The following SNX31 variants were observed in gnomAD, a reference collection of about 807,000 sequenced individuals.
The protein encoded by SNX31 is sorting nexin 31.
SNX31 carries 58 observed loss-of-function variants against 65.4 expected under a neutral mutation model. The ratio of observed to expected loss-of-function variants is 0.89; its 90% confidence interval spans 0.72 to 1.10. The LOEUF (loss-of-function observed/expected upper bound fraction) is 1.10, where lower values mean the gene tolerates loss of function less well. SNX31 is among the 50% of genes least tolerant of loss of function. The pLI is 0.00. For synonymous variants in SNX31, 181 were observed against 190.1 expected (o/e 0.95, Z 0.39); for missense variants, 523 against 529.7 (o/e 0.99, Z 0.12).
intron 1 of SNX31, among the ~76,000 whole-genome samples, chr8:100,662,287 C>T (rs1156735188): frequency 2.0e-5 from 3 of 152,208 alleles, no homozygotes; most frequent in Non-Finnish European, 2.9e-5. Context: ...GATTCTAAAG[C>T]CGGTATTCTC....
At chr8:100,627,637 G>A (rs1220003206) in intron 4 of SNX31, among the ~76,000 whole-genome samples, 1 of 152,094 alleles carries the variant, frequency 6.6e-6, no homozygotes, top group Non-Finnish European at 1.5e-5. Flanking sequence ...CACCTCCTGG[G>A]TTCAAGCAAT....
rs1816832647 is a variant in SNX31 at position 100,612,823 on chromosome 8, C to G, written c.523+172G>C. 6.6e-6 allele frequency among the ~76,000 whole-genome samples: 1 copy of G among 152,108 alleles called. No individual in the cohort carries two copies. The highest frequency in any genetic ancestry group is 2.4e-5 in the African/African-American group (1 of 41,406). On this transcript the variant is annotated intron_variant, in intron 6 of 13. Transcript: ENST00000311812. The surrounding 1 kb of genome is among the most constrained non-coding windows in gnomAD (Gnocchi z 4.3). ...TATGAGCGGTTTGCCCCCACTCTCC[C>G]CTAACAAGGACGCAACCTCCTATTC...
Position 100,573,900 on chromosome 8 carries a change from A to C in SNX31, c.1288T>G (p.Cys430Gly), listed in dbSNP as rs771196432. The C allele has an allele frequency of 1.2e-5, 19 of 1,586,016 alleles. No homozygotes were observed. Among genetic ancestry groups the C allele is most frequent in the Non-Finnish European group, 8.6e-7 (1 of 1,168,152 alleles). Residue 430 changes from cysteine (C) to glycine (G), a missense_variant, in exon 14 of 14, where the codon TGC becomes GGC. Physicochemically the swap from Cys to Gly is radical, Grantham distance 159. Coordinates refer to ENST00000311812, the MANE Select transcript of SNX31 (RefSeq NM_152628.4). ...KSKIKIAKDD[C>G]VFGNIKEEDL ...TCTTCCTTTATGTTCCCAAAAACGC[A>C]GTCATCTTTAGCTATCTTAATCTTG...
chr8:100,577,937 C>T (rs897939763), intron 12 of SNX31, among the ~76,000 whole-genome samples: 1 of 152,192 alleles, frequency 6.6e-6, no homozygotes, highest in African/African-American at 2.4e-5. Flanking sequence ...AATCTTTTGG[C>T]TTTCCTGGAC....
chr8:100,622,496 C>G lies in SNX31; in HGVS notation c.322-4766G>C, dbSNP rs1817764190. On this transcript the variant is annotated intron_variant, in intron 4 of 13. Transcript: ENST00000311812. This position sits in a 1 kb window ranked among gnomAD's most constrained non-coding sequence, Gnocchi z 5.0. ...GTGAAACACTGTCTCTACTAAAATA[C>G]AGAAATTAGCTGGGCGTGGTGGCAC... Among the ~76,000 whole-genome samples the G allele has an allele frequency of 6.6e-6, 1 of 151,796 alleles. No individual in the cohort carries two copies. The highest frequency in any genetic ancestry group is 2.1e-4 in the South Asian group (1 of 4,808).
upstream of SNX31, chr8:100,649,726 G>A (rs111564862): frequency 4.3e-6 from 2 of 467,162 alleles, no homozygotes; most frequent in East Asian, 3.8e-5. Context: ...CAGCCCCGCC[G>A]CTCTGGTCCC....
intron 9 of SNX31, among the ~76,000 whole-genome samples, chr8:100,597,368 A>C (rs1358738063): frequency 1.1e-4 from 16 of 152,050 alleles, no homozygotes; most frequent in Admixed American, 1.0e-3. Context: ...CAGCCTCCCA[A>C]GTAGCTGGGA....
chr8:100,576,934 A>G lies in SNX31; in HGVS notation c.1227+85T>C. The stretch of plus-strand genomic sequence containing the variant: ...AAACATAATTCTGACTTATTATTGA[A>G]AGTGAGATGACTTTGGTTAAAGAGG... On this transcript the variant is annotated intron_variant, in intron 13 of 13. Coordinates refer to ENST00000311812, the MANE Select transcript of SNX31 (RefSeq NM_152628.4). The surrounding 1 kb of genome is among the most constrained non-coding windows in gnomAD (Gnocchi z 4.8). The G allele has an allele frequency of 1.8e-6, 2 of 1,101,954 alleles. No individual in the cohort carries two copies. Among genetic ancestry groups the G allele is most frequent in the Non-Finnish European group, 2.7e-6 (2 of 743,034 alleles). The allele number at this position is 1,101,954 out of a possible 1,614,324, so 68.3% of individuals were successfully genotyped here. A position where few individuals can be genotyped will look rare whatever the true frequency, so the allele number is the denominator to read the frequency against.
At chr8:100,601,771 C>T (rs1301847562) in intron 8 of SNX31, among the ~76,000 whole-genome samples, 2 of 152,238 alleles carry the variant, frequency 1.3e-5, no homozygotes, top group African/African-American at 4.8e-5. Context: ...AGCAGAACGA[C>T]ACTGGGCTCA....
intron 8 of SNX31, among the ~76,000 whole-genome samples, chr8:100,607,366 C>A (rs1031152859): frequency 6.6e-6 from 1 of 152,288 alleles, no homozygotes; most frequent in South Asian, 2.1e-4. Flanking sequence ...GGCGGCAGCA[C>A]CGGCTGACCA....
intron 4 of SNX31, among the ~76,000 whole-genome samples, chr8:100,627,689 C>T (rs1818137667): frequency 6.6e-6 from 1 of 152,128 alleles, no homozygotes; most frequent in South Asian, 2.1e-4. Context: ...CAGGCATGCA[C>T]CACCACGACC....
chr8:100,642,292 T>C (rs1819312809), intron 2 of SNX31, among the ~76,000 whole-genome samples: 1 of 152,230 alleles, frequency 6.6e-6, no homozygotes, highest in South Asian at 2.1e-4. Flanking sequence ...AATTATTTCT[T>C]GGCTAACTGA....
chr8:100,585,863 A>C (rs1050991456), intron 11 of SNX31, among the ~76,000 whole-genome samples: 3 of 152,348 alleles, frequency 2.0e-5, no homozygotes, highest in Admixed American at 1.3e-4. Flanking sequence ...AGGTTTATTA[A>C]ATATGAAAAG....
At position 100,648,011 on chromosome 8, in the gene SNX31, A is replaced by G. The variant is rs1311210037; in HGVS notation, c.141+1263T>C. 1.3e-5 allele frequency among the ~76,000 whole-genome samples: 2 copies of G among 152,232 alleles called. No homozygotes were observed. Among genetic ancestry groups the G allele is most frequent in the African/African-American group, 4.8e-5 (2 of 41,456 alleles). ...TACTGGGTCACAGCACTAGTAATAC[A>G]AAGATGACCACTCAAATTAACTAGT... is the stretch of plus-strand genomic sequence containing the variant. On this transcript the variant is annotated intron_variant, in intron 2 of 13. Transcript: ENST00000311812. This position sits in a 1 kb window ranked among gnomAD's most constrained non-coding sequence, Gnocchi z 4.3.
rs1818304497 is a variant in SNX31 at position 100,629,941 on chromosome 8, T to C, written c.321+386A>G. ...CCTGATGTCTTCACTGTGGCCCATT[T>C]GGAAATCTCAGCTACAGAAGCAGGG... On this transcript the variant is annotated intron_variant, in intron 4 of 13. Coordinates refer to ENST00000311812, the MANE Select transcript of SNX31 (RefSeq NM_152628.4). The surrounding 1 kb of genome is among the most constrained non-coding windows in gnomAD (Gnocchi z 5.1). 6.6e-6 allele frequency among the ~76,000 whole-genome samples: 1 copy of C among 152,222 alleles called. No individual in the cohort carries two copies. Among genetic ancestry groups the C allele is most frequent in the Non-Finnish European group, 1.5e-5 (1 of 68,048 alleles).
chr8:100,655,174 G>A (rs1451337554), intron 1 of SNX31, among the ~76,000 whole-genome samples: 1 of 152,150 alleles, frequency 6.6e-6, no homozygotes, highest in African/African-American at 2.4e-5. Flanking sequence ...CACACAGGAG[G>A]GACATTGACC....
At position 100,586,166 on chromosome 8, in the gene SNX31, C is replaced by T. The variant is rs141661447; in HGVS notation, c.1093-1978G>A. ...AAGCTCCTGACCTCAAGTGATCTGC[C>T]GGCTTTGGCCTCCCAAATTGCTGGG... On this transcript the variant is annotated intron_variant, in intron 11 of 13. Transcript: ENST00000311812. 2.1e-3 allele frequency among the ~76,000 whole-genome samples: 317 copies of T among 152,266 alleles called. 3 individuals are homozygous for T. Among genetic ancestry groups the T allele is most frequent in the Middle Eastern group, 0.014 (4 of 294 alleles).
Position 100,576,932 on chromosome 8 carries a change from G to T in SNX31, c.1227+87C>A. On this transcript the variant is annotated intron_variant, in intron 13 of 13. Transcript: ENST00000311812. The surrounding 1 kb of genome is among the most constrained non-coding windows in gnomAD (Gnocchi z 4.8). ...AGAAACATAATTCTGACTTATTATT[G>T]AAAGTGAGATGACTTTGGTTAAAGA... is the stretch of plus-strand genomic sequence containing the variant. The T allele has an allele frequency of 9.2e-7, 1 of 1,081,734 alleles. No individual in the cohort carries two copies. Among genetic ancestry groups the T allele is most frequent in the Non-Finnish European group, 1.4e-6 (1 of 726,212 alleles). 67.0% of individuals were successfully genotyped at this position (1,081,734 alleles called of 1,614,324 possible).
At chr8:100,605,577 C>T (rs1816073642) in intron 8 of SNX31, among the ~76,000 whole-genome samples, 1 of 152,172 alleles carries the variant, frequency 6.6e-6, no homozygotes, top group Non-Finnish European at 1.5e-5. Flanking sequence ...CACCTCATCT[C>T]AACAGGGAGA....
Sources: allele counts gnomAD v4.1 joint callset (sites outside exome capture counted in the v4.1 genomes callset), GRCh38; gene constraint gnomAD v4.1.1; non-coding constraint Gnocchi (gnomAD v3.1); transcripts MANE v1.5; gene names NCBI Gene and HGNC (gene_info 2026-07-23, HGNC 2026-07-21).